Variants in DIP2A observed in about 807,000 individuals in gnomAD.
DIP2A encodes the protein DIP2 acetate--CoA ligase A.
In DIP2A, 85 loss-of-function variants were observed where a neutral mutation model predicts 177.4. The observed-to-expected ratio is 0.48, with a 90% CI of 0.40 to 0.57. The LOEUF is 0.57. Among genes scored for constraint, DIP2A ranks in the 20% least tolerant of loss-of-function variants. The probability of loss-of-function intolerance (pLI) is 0.00; values close to 1 mark genes in which losing one functional copy is unlikely to be tolerated. For synonymous variants in DIP2A, 886 were observed against 881.8 expected (o/e 1.00, Z -0.08); for missense variants, 1,791 against 2,100.2 (o/e 0.85, Z 2.88).
intron 1 of DIP2A, among the ~76,000 whole-genome samples, chr21:46,465,804 G>C (rs1212834845): frequency 6.6e-6 from 1 of 152,176 alleles, no homozygotes; most frequent in Non-Finnish European, 1.5e-5. Flanking sequence ...TACATGAATT[G>C]CTTTTGCTGC....
intron 2 of DIP2A, among the ~76,000 whole-genome samples, chr21:46,490,368 A>C (rs1400606549): frequency 1.3e-5 from 2 of 152,104 alleles, no homozygotes; most frequent in Non-Finnish European, 2.9e-5. Context: ...ATCACCCTTC[A>C]TGCGGATGGT....
chr21:46,507,648 A>C (rs1387571151), intron 6 of DIP2A, among the ~76,000 whole-genome samples: 2 of 131,798 alleles, frequency 1.5e-5, no homozygotes, highest in African/African-American at 5.7e-5. Flanking sequence ...GAAATTATAC[A>C]GTTTGAGTCC....
Position 46,541,909 on chromosome 21 carries a change from C to G in DIP2A, c.2176+14C>G, listed in dbSNP as rs759429998. On this transcript the variant is annotated intron_variant, in intron 18 of 37. Transcript: ENST00000417564. ...TGATGCCTGGAGGTAAGAGACATAA[C>G]CAGAGTGGGTCTTTGTCCATGACTG... 1.9e-6 allele frequency: 3 copies of G among 1,613,792 alleles called. No homozygotes were observed. Among genetic ancestry groups the G allele is most frequent in the Non-Finnish European group, 2.5e-6 (3 of 1,179,842 alleles).
intron 28 of DIP2A, chr21:46,555,727 C>G (rs1478962267): frequency 1.9e-6 from 1 of 513,242 alleles, no homozygotes; most frequent in Non-Finnish European, 3.5e-6. Context: ...GATGCCTCCC[C>G]TCTTCGCCCT....
At chr21:46,503,758 C>T (rs2057827630) in intron 5 of DIP2A, among the ~76,000 whole-genome samples, 1 of 150,434 alleles carries the variant, frequency 6.6e-6, no homozygotes. Context: ...GAGAGTGTCG[C>T]TCTGTTGCCC....
rs551153174 is a variant in DIP2A, at chr21:46,506,241, C to CCAAGTAGCTGGGAT, written c.784+1753_784+1766dup. On this transcript the variant is annotated intron_variant, in intron 6 of 37. Transcript: ENST00000417564. ...CAAGCGATTCTCCTGCCTCACCCTC[C>CCAAGTAGCTGGGAT]CAAGTAGCTGGGATTACAGGCATGT... 1.7e-3 allele frequency among the ~76,000 whole-genome samples: 259 copies of CCAAGTAGCTGGGAT among 152,234 alleles called. 2 individuals are homozygous for CCAAGTAGCTGGGAT. Among genetic ancestry groups the CCAAGTAGCTGGGAT allele is most frequent in the African/African-American group, 5.9e-3 (246 of 41,554 alleles).
In DIP2A at chr21:46,528,571, A is replaced by G. The variant is rs1200130981; in HGVS notation, c.1103-521A>G. 1.3e-4 allele frequency among the ~76,000 whole-genome samples: 4 copies of G among 31,106 alleles called. No homozygotes were observed. In the Admixed American group the frequency reaches 1.6e-3, roughly 12 times the overall value. The allele number at this position is 31,106 out of a possible 152,430, so 20.4% of individuals were successfully genotyped here. On this transcript the variant is annotated intron_variant, in intron 8 of 37. Coordinates refer to ENST00000417564, the MANE Select transcript of DIP2A (RefSeq NM_015151.4). Reference sequence around the variant, plus strand: ...TTTTTTTTTTTTTTTTTTTTTTTAGATAATGTCTTTATTGCCCAGGCTGGC... The same window carrying G: ...TTTTTTTTTTTTTTTTTTTTTTTAGGTAATGTCTTTATTGCCCAGGCTGGC...
chr21:46,570,740 CT>C (rs1392835793), downstream of DIP2A, among the ~76,000 whole-genome samples: 1 of 152,192 alleles, frequency 6.6e-6, no homozygotes, highest in African/African-American at 2.4e-5. Flanking sequence ...TGCCTGGTTC[CT>C]GCCACAGTGC....
chr21:46,555,773 T>C (rs755078202), intron 28 of DIP2A: 3 of 574,738 alleles, frequency 5.2e-6, no homozygotes, highest in Middle Eastern at 4.7e-4. Context: ...CAGTGTGGTC[T>C]TGGTGGGACC....
intron 31 of DIP2A, 129 bp from the exon 32 acceptor site, chr21:46,558,094 C>G (rs2060530830): frequency 1.0e-6 from 1 of 958,972 alleles, no homozygotes; most frequent in African/African-American, 1.6e-5. Flanking sequence ...ACAGACACAG[C>G]CTGCGGAGAG....
In DIP2A at chr21:46,458,961, C is replaced by A; in HGVS notation, c.-171C>A. On this transcript the variant is annotated 5_prime_UTR_variant, in exon 1 of 38. Coordinates refer to ENST00000417564, the MANE Select transcript of DIP2A (RefSeq NM_015151.4). The stretch of plus-strand genomic sequence containing the variant: ...CGCGGCGGAGCCATCCGCGCTCGTG[C>A]CCGCGCGGGTGCGTTGCTGTCCTGG... 2.4e-6 allele frequency: 1 copy of A among 419,866 alleles called. No homozygotes were observed. The allele number at this position is 419,866 out of a possible 1,614,324, so 26.0% of individuals were successfully genotyped here. A position where few individuals can be genotyped will look rare whatever the true frequency, so the allele number is the denominator to read the frequency against.
intron 1 of DIP2A, among the ~76,000 whole-genome samples, chr21:46,464,844 T>TTTTTTTC (rs58546395): frequency 3.6e-4 from 40 of 111,230 alleles, no homozygotes; most frequent in Non-Finnish European, 5.4e-4. Flanking sequence ...TTTTTTTTTT[T>TTTTTTTC]CAAGAAAACA....
intron 1 of DIP2A, among the ~76,000 whole-genome samples, chr21:46,470,929 GAAAAA>G (rs61607316): frequency 7.2e-5 from 6 of 82,876 alleles, no homozygotes; most frequent in Non-Finnish European, 8.7e-5. Flanking sequence ...TTCTGTTTCA[GAAAAA>G]AAAAAAAAAA....
At chr21:46,547,131 A>G in intron 21 of DIP2A, 89 bp downstream of exon 21, 1 of 1,524,682 alleles carries the variant, frequency 6.6e-7, no homozygotes, top group Non-Finnish European at 8.8e-7. Flanking sequence ...AGCCCAGCAA[A>G]CTTGAATTCA....
At chr21:46,509,168 A>G (rs918953940) in intron 6 of DIP2A, 89 bp from the exon 7 acceptor site, 1 of 1,387,306 alleles carries the variant, frequency 7.2e-7, no homozygotes, top group Non-Finnish European at 9.5e-7. Flanking sequence ...GCTCTGATGC[A>G]TCGTGTGGTT....
chr21:46,535,803 G>A (rs1028019135), intron 13 of DIP2A, among the ~76,000 whole-genome samples: 11 of 152,134 alleles, frequency 7.2e-5, no homozygotes, highest in Admixed American at 2.0e-4. Context: ...TTAGCCAGGC[G>A]TGATGATGTG....
chr21:46,488,628 A>G (rs937314508), intron 2 of DIP2A, among the ~76,000 whole-genome samples: 3 of 152,230 alleles, frequency 2.0e-5, no homozygotes, highest in African/African-American at 4.8e-5. Flanking sequence ...AATGCAAATT[A>G]AAGGGCACCA....
At chr21:46,505,438 C>G (rs975285673) in intron 6 of DIP2A, among the ~76,000 whole-genome samples, 1 of 152,026 alleles carries the variant, frequency 6.6e-6, no homozygotes, top group African/African-American at 2.4e-5. Flanking sequence ...GAAACCCCAT[C>G]TCTACTAAAA....
At chr21:46,490,338 A>G (rs1601474061) in intron 2 of DIP2A, among the ~76,000 whole-genome samples, 1 of 152,136 alleles carries the variant, frequency 6.6e-6, no homozygotes, top group East Asian at 1.9e-4. Context: ...TGCCAAGGGT[A>G]CAGGGCCAGC....
Sources: allele counts gnomAD v4.1 joint callset (sites outside exome capture counted in the v4.1 genomes callset), GRCh38; gene constraint gnomAD v4.1.1; transcripts MANE v1.5; gene names NCBI Gene and HGNC (gene_info 2026-07-23, HGNC 2026-07-21).